NEDD9: variants seen among roughly 807,000 people sequenced by gnomAD.
NEDD9 encodes enhancer of filamentation 1.
In NEDD9, 26 loss-of-function variants were observed where a neutral mutation model predicts 76.6. That is an observed-to-expected ratio of 0.34 (90% CI 0.25 to 0.47). The LOEUF (loss-of-function observed/expected upper bound fraction) is 0.47, where lower values mean the gene tolerates loss of function less well. Among genes scored for constraint, NEDD9 ranks in the 20% least tolerant of loss-of-function variants. NEDD9 has a pLI of 1.00. For missense variants in NEDD9, 937 were observed against 1,058.5 expected, an observed-to-expected ratio of 0.89 and a Z score of 1.59; for synonymous variants, 392 against 414.2, an observed-to-expected ratio of 0.95 and a Z score of 0.65.
In NEDD9 at chr6:11,190,436, TCC is replaced by T; in HGVS notation, c.1431_1432del (p.Glu478ThrfsTer15). 1.2e-6 allele frequency: 2 copies of T among 1,614,188 alleles called. No homozygotes were observed. Among genetic ancestry groups the T allele is most frequent in the Non-Finnish European group, 1.7e-6 (2 of 1,180,034 alleles). ...CTTCATCTTGTTGTGGAGGATGAGT[TCC>T]GGGAGGCAGGCAGCATTTGCAACAG... is the stretch of plus-strand genomic sequence containing the variant. On this transcript the variant is annotated frameshift_variant, in exon 5 of 7. Coordinates refer to ENST00000379446, the MANE Select transcript of NEDD9 (RefSeq NM_006403.4). LOFTEE classifies it high-confidence loss of function. The surrounding 1 kb of genome is among the most constrained non-coding windows in gnomAD (Gnocchi z 5.8).
At chr6:11,338,350 G>A (rs983616866) in intron 1 of NEDD9, among the ~76,000 whole-genome samples, 2 of 152,110 alleles carry the variant, frequency 1.3e-5, no homozygotes, top group African/African-American at 2.4e-5. Flanking sequence ...TGCAGCCCTC[G>A]AAAGGAGCCA....
intron 1 of NEDD9, among the ~76,000 whole-genome samples, chr6:11,227,179 C>G (rs980722327): frequency 3.9e-5 from 6 of 152,182 alleles, no homozygotes; most frequent in Non-Finnish European, 8.8e-5. Context: ...CCTATGCTTA[C>G]AATACACATC....
chr6:11,278,002 C>T (rs1033006659), intron 3 of NEDD9, among the ~76,000 whole-genome samples: 6 of 152,144 alleles, frequency 3.9e-5, no homozygotes, highest in African/African-American at 1.2e-4. Flanking sequence ...ATCCAGCCAG[C>T]GGGAGGGAGG....
intron 3 of NEDD9, among the ~76,000 whole-genome samples, chr6:11,291,997 C>A (rs149043917): frequency 3.6e-4 from 55 of 152,158 alleles, no homozygotes; most frequent in African/African-American, 1.3e-3. Flanking sequence ...CTTCCAGAAT[C>A]TTTTTCATCA....
At chr6:11,329,273 C>A (rs1187368697) in intron 2 of NEDD9, among the ~76,000 whole-genome samples, 3 of 152,160 alleles carry the variant, frequency 2.0e-5, no homozygotes, top group Non-Finnish European at 1.5e-5. Context: ...GCTGATGAGG[C>A]AGTAATGACA....
chr6:11,199,618 A>G (rs1350434831), intron 2 of NEDD9: 1 of 147,212 alleles, frequency 6.8e-6, no homozygotes, highest in African/African-American at 2.5e-5. Context: ...TAAAAAAATG[A>G]AGAAAAGCTA....
chr6:11,195,596 A>G (rs1178509690), intron 2 of NEDD9, among the ~76,000 whole-genome samples: 1 of 152,224 alleles, frequency 6.6e-6, no homozygotes, highest in Non-Finnish European at 1.5e-5. Context: ...GTTCAGCTTA[A>G]AAGTTTCCAA....
intron 1 of NEDD9, among the ~76,000 whole-genome samples, chr6:11,351,154 G>A (rs185404881): frequency 2.6e-5 from 4 of 152,114 alleles, no homozygotes; most frequent in East Asian, 1.9e-4. Flanking sequence ...CAGCATGTGC[G>A]AGGGACATGA....
Position 11,191,136 on chromosome 6 carries a change from G to T in NEDD9, c.733C>A (p.Pro245Thr), listed in dbSNP as rs774051894. The change falls in exon 5 of 7, where the codon CCT (proline) becomes ACT (threonine). Residue 245 changes from proline to threonine, a missense_variant. Physicochemically the swap from Pro to Thr is conservative, Grantham distance 38. Coordinates refer to ENST00000379446, the MANE Select transcript of NEDD9 (RefSeq NM_006403.4). ...GGCCTTCCAGCTTGTCTCATGGGAGGGGGGAAGTCATAGTCTTTTTCCCTA... is the reference window on the plus strand; with the variant it reads ...GGCCTTCCAGCTTGTCTCATGGGAGTGGGGAAGTCATAGTCTTTTTCCCTA... ...GLREKDYDFP[P>T]PMRQAGRPDL... 2 of 1,613,940 alleles carry T rather than the reference G, an allele frequency of 1.2e-6. No individual in the cohort carries two copies. Among genetic ancestry groups the T allele is most frequent in the South Asian group, 1.1e-5 (1 of 91,066 alleles).
chr6:11,190,032 G>A lies in NEDD9; in HGVS notation c.1837C>T (p.Pro613Ser), dbSNP rs149528492. Reference sequence around the variant, plus strand: ...GAACCATCACTGCTGCTACAGTCAGGGGCCTGCTCCTTGCTCAGGCCTGGG... The same window carrying A: ...GAACCATCACTGCTGCTACAGTCAGAGGCCTGCTCCTTGCTCAGGCCTGGG... ...LPPGLSKEQA[P>S]DCSSSDGSER... The change falls in exon 5 of 7, where the codon CCT becomes TCT. Residue 613 changes from proline to serine, a missense_variant. By Grantham distance (74) the Pro-to-Ser change is moderately conservative. Transcript: ENST00000379446. This position sits in a 1 kb window ranked among gnomAD's most constrained non-coding sequence, Gnocchi z 5.8. 7 of 1,552,928 alleles carry A rather than the reference G, an allele frequency of 4.5e-6. No individual in the cohort carries two copies. The African/African-American group carries it at 9.6e-5, about 21-fold the overall frequency.
At chr6:11,240,162 C>T (rs546002895) in intron 3 of NEDD9, among the ~76,000 whole-genome samples, 24 of 151,992 alleles carry the variant, frequency 1.6e-4, no homozygotes, top group Admixed American at 2.6e-4. Flanking sequence ...TCCCTCCTAA[C>T]TCATTTCGCT....
chr6:11,218,533 CTG>C (rs1450323029), intron 1 of NEDD9, among the ~76,000 whole-genome samples: 2 of 152,140 alleles, frequency 1.3e-5, no homozygotes. Flanking sequence ...CTGTTCAAGA[CTG>C]TGAACTCCTT....
intron 1 of NEDD9, among the ~76,000 whole-genome samples, chr6:11,362,709 A>G (rs994251806): frequency 6.6e-5 from 10 of 152,212 alleles, no homozygotes; most frequent in African/African-American, 2.4e-4. Flanking sequence ...CTCACTTGGG[A>G]TATGTCATGA....
At position 11,252,053 on chromosome 6, in the gene NEDD9, G is replaced by A. The variant is rs557892009; in HGVS notation, c.13-38326C>T. 1.2e-4 allele frequency among the ~76,000 whole-genome samples: 18 copies of A among 152,298 alleles called. No individual in the cohort carries two copies. The highest frequency in any genetic ancestry group is 4.3e-4 in the African/African-American group (18 of 41,556). On this transcript the variant is annotated intron_variant, in intron 3 of 3. Coordinates refer to the NEDD9 transcript ENST00000397378. This position sits in a 1 kb window ranked among gnomAD's most constrained non-coding sequence, Gnocchi z 4.3. ...TCGCTCCACCTCAGGGTTGAAGGCT[G>A]TGTCGATTCCTGTCACACACAGATT...
chr6:11,325,224 G>A (rs1024006251), intron 2 of NEDD9, among the ~76,000 whole-genome samples: 2 of 151,894 alleles, frequency 1.3e-5, no homozygotes, highest in African/African-American at 2.4e-5. Context: ...GTGTGGTGCC[G>A]GGTGCCTGTA....
chr6:11,232,365 C>T (rs1759498944), intron 1 of NEDD9, 139 bp downstream of exon 1: 8 of 1,050,052 alleles, frequency 7.6e-6, no homozygotes, highest in South Asian at 1.4e-5. Flanking sequence ...GCTTGCATGT[C>T]AACCTCAGTG....
At chr6:11,375,484 G>GT (rs1240480075) in intron 1 of NEDD9, among the ~76,000 whole-genome samples, 2 of 152,198 alleles carry the variant, frequency 1.3e-5, no homozygotes, top group Non-Finnish European at 2.9e-5. Context: ...TAATTTGGAT[G>GT]TTTGTCTCCT....
chr6:11,338,278 C>A (rs1338121224), intron 1 of NEDD9, among the ~76,000 whole-genome samples: 1 of 152,150 alleles, frequency 6.6e-6, no homozygotes, highest in African/African-American at 2.4e-5. Context: ...CTCTACAAGC[C>A]AAGGAATGCC....
intron 2 of NEDD9, among the ~76,000 whole-genome samples, chr6:11,329,290 G>A (rs111305264): frequency 5.3e-5 from 8 of 152,318 alleles, no homozygotes; most frequent in African/African-American, 1.4e-4. Flanking sequence ...GACATTCAGC[G>A]TGGGAATGGT....
Sources: gnomAD v4.1 joint callset for allele counts (sites outside exome capture counted in the v4.1 genomes callset) on GRCh38, gnomAD v4.1.1 for gene constraint, Gnocchi (gnomAD v3.1) non-coding constraint, MANE v1.5 for transcripts, NCBI Gene and HGNC (gene_info 2026-07-23, HGNC 2026-07-21) for gene names.